SOX5: variants seen among roughly 807,000 people sequenced by gnomAD.
SOX5 encodes the protein SRY-box transcription factor 5.
SOX5 carries 9 observed loss-of-function variants against 92.0 expected under a neutral mutation model. The ratio of observed to expected loss-of-function variants is 0.10; its 90% CI spans 0.06 to 0.17. The LOEUF (loss-of-function observed/expected upper bound fraction) is 0.17, where lower values mean the gene tolerates loss of function less well. Among genes scored for constraint, SOX5 ranks in the 10% least tolerant of loss-of-function variants. The pLI is 1.00. For missense variants in SOX5, 642 were observed against 944.5 expected, an observed-to-expected ratio of 0.68 and a Z score of 4.20; for synonymous variants, 344 against 336.3, an observed-to-expected ratio of 1.02 and a Z score of -0.25.
At chr12:24,371,343 C>T (rs1386572472) in intron 1 of SOX5, among the ~76,000 whole-genome samples, 1 of 151,744 alleles carries the variant, frequency 6.6e-6, no homozygotes, top group Non-Finnish European at 1.5e-5. Flanking sequence ...CAGATTTTTC[C>T]CCCCCAGGGC....
intron 1 of SOX5, among the ~76,000 whole-genome samples, chr12:24,554,019 T>C (rs1953493179): frequency 6.6e-6 from 1 of 152,208 alleles, no homozygotes; most frequent in South Asian, 2.1e-4. Context: ...ATAGTATGCA[T>C]GTCTTCAAAA....
chr12:23,574,404 T>A (rs2136660304), intron 10 of SOX5, among the ~76,000 whole-genome samples: 1 of 152,290 alleles, frequency 6.6e-6, no homozygotes, highest in South Asian at 2.1e-4. Flanking sequence ...CTGCTCCAAT[T>A]CTGGGCTCCC....
rs1939712860 is a variant in SOX5 at position 23,534,316 on chromosome 12, T to C, written c.2195A>G (p.Asn732Ser). 5.0e-6 allele frequency: 8 copies of C among 1,614,008 alleles called. No homozygotes were observed. Among genetic ancestry groups the C allele is most frequent in the African/African-American group, 1.3e-5 (1 of 74,938 alleles). ...IKEEIQAEDI[N>S]GEIYDEYDEE... ...GTCGTACTCATCATAAATTTCTCCA[T>C]TGATGTCCTCGGCCTGTATCTCTTC... Residue 732 changes from asparagine (N) to serine (S), a missense_variant, in exon 15 of 15, where the codon AAT becomes AGT. By Grantham distance (46) the Asn-to-Ser change is conservative. Transcript: ENST00000451604.
chr12:23,822,153 G>A (rs2096132186), intron 3 of SOX5, among the ~76,000 whole-genome samples: 1 of 151,976 alleles, frequency 6.6e-6, no homozygotes, highest in South Asian at 2.1e-4. Flanking sequence ...GTTATTTCTT[G>A]TCTTCCGCTA....
intron 3 of SOX5, among the ~76,000 whole-genome samples, chr12:23,804,915 T>TTATATATATA (rs528741802): frequency 9.9e-4 from 74 of 75,046 alleles, no homozygotes; most frequent in South Asian, 1.8e-3. Context: ...TATCATTGTT[T>TTATATATATA]TATATATATA....
At chr12:23,947,898 A>C (rs748942729) in intron 1 of SOX5, among the ~76,000 whole-genome samples, 1 of 152,070 alleles carries the variant, frequency 6.6e-6, no homozygotes, top group Non-Finnish European at 1.5e-5. Flanking sequence ...TATAAGTACA[A>C]TCTGTTAACA....
chr12:24,282,750 G>C (rs76730295), intron 2 of SOX5, among the ~76,000 whole-genome samples: 77 of 152,122 alleles, frequency 5.1e-4, no homozygotes, highest in Middle Eastern at 3.2e-3. Flanking sequence ...GTGCTGAGGC[G>C]CAGGGAGGTT....
intron 1 of SOX5, chr12:23,944,185 A>G (rs1944156408): frequency 6.6e-6 from 1 of 152,020 alleles, no homozygotes; most frequent in Non-Finnish European, 1.5e-5. Context: ...ATTCTTCTAA[A>G]TCTTGTTTCG....
chr12:24,558,180 CA>C (rs1256282544), intron 1 of SOX5, among the ~76,000 whole-genome samples: 3 of 152,022 alleles, frequency 2.0e-5, no homozygotes, highest in Non-Finnish European at 4.4e-5. Flanking sequence ...GAACTATTAG[CA>C]ACTTTAAAAT....
intron 1 of SOX5, among the ~76,000 whole-genome samples, chr12:24,542,659 T>C (rs1022387796): frequency 6.6e-6 from 1 of 152,214 alleles, no homozygotes; most frequent in Admixed American, 6.5e-5. Flanking sequence ...ATTGTAATCA[T>C]GAAAATTAAC....
intron 1 of SOX5, among the ~76,000 whole-genome samples, chr12:24,480,381 G>A (rs986904019): frequency 2.0e-5 from 3 of 152,050 alleles, no homozygotes; most frequent in Non-Finnish European, 2.9e-5. Flanking sequence ...CCCACAAGCA[G>A]GCAGCCAAAG....
intron 4 of SOX5, among the ~76,000 whole-genome samples, chr12:24,038,876 A>T (rs1956282016): frequency 6.6e-6 from 1 of 152,210 alleles, no homozygotes; most frequent in Non-Finnish European, 1.5e-5. Flanking sequence ...ATCAGGCTCA[A>T]CCAAGTTACA....
chr12:23,609,056 T>C (rs2075632626), intron 8 of SOX5, among the ~76,000 whole-genome samples: 2 of 151,888 alleles, frequency 1.3e-5, no homozygotes, highest in African/African-American at 4.8e-5. Context: ...ATAGAAGAAA[T>C]GGAGTTAAGG....
chr12:24,390,909 G>A (rs1958930031), intron 1 of SOX5, among the ~76,000 whole-genome samples: 1 of 152,146 alleles, frequency 6.6e-6, no homozygotes, highest in South Asian at 2.1e-4. Flanking sequence ...GGTATACCTT[G>A]GACATATTGA....
In SOX5 at chr12:23,530,080, C is replaced by T. The variant is rs142414687; in HGVS notation, c.*4139G>A. The stretch of plus-strand genomic sequence containing the variant: ...ACTTTAAAATTAAATACTGTAAAAG[C>T]CTGGCTAAACCAACAGCTATGCCCT... On this transcript the variant is annotated 3_prime_UTR_variant, in exon 15 of 15. Transcript: ENST00000451604. 5 of 152,306 alleles carry T rather than the reference C, an allele frequency of 3.3e-5. No individual in the cohort carries two copies. Among genetic ancestry groups the T allele is most frequent in the African/African-American group, 4.8e-5 (2 of 41,572 alleles). 9.4% of individuals were successfully genotyped at this position (152,306 alleles called of 1,614,324 possible). A position where few individuals can be genotyped will look rare whatever the true frequency, so the allele number is the denominator to read the frequency against.
At chr12:24,409,128 T>C (rs969533498) in intron 1 of SOX5, among the ~76,000 whole-genome samples, 4 of 152,218 alleles carry the variant, frequency 2.6e-5, no homozygotes. Context: ...ATATACATCA[T>C]GGAATACTAT....
intron 2 of SOX5, among the ~76,000 whole-genome samples, chr12:24,350,054 A>G (rs1250135895): frequency 6.6e-6 from 1 of 152,228 alleles, no homozygotes. Context: ...GGAGATTGAG[A>G]AACCAATCTA....
chr12:23,582,095 G>A (rs377760273), intron 9 of SOX5: 24 of 933,854 alleles, frequency 2.6e-5, no homozygotes, highest in South Asian at 4.9e-5. Flanking sequence ...TGAAATGATC[G>A]TATTAACCTA....
intron 4 of SOX5, among the ~76,000 whole-genome samples, chr12:24,146,021 T>C (rs1951043676): frequency 6.6e-6 from 1 of 151,580 alleles, no homozygotes; most frequent in African/African-American, 2.4e-5. Context: ...AGAAGAAAAA[T>C]AGAAAAATCC....
Sources: allele counts gnomAD v4.1 joint callset (sites outside exome capture counted in the v4.1 genomes callset), GRCh38; gene constraint gnomAD v4.1.1; transcripts MANE v1.5; gene names NCBI Gene and HGNC (gene_info 2026-07-23, HGNC 2026-07-21).